NEK11: variants seen among roughly 807,000 people sequenced by gnomAD.
The protein encoded by NEK11 is serine/threonine-protein kinase Nek11.
In NEK11, 72 loss-of-function variants were observed where a neutral mutation model predicts 80.7. The observed-to-expected ratio is 0.89, with a 90% CI of 0.74 to 1.08. NEK11 has a LOEUF of 1.08. Among genes scored for constraint, NEK11 ranks in the 50% least tolerant of loss-of-function variants. The pLI is 0.00. For missense variants in NEK11, 764 were observed against 763.6 expected, an observed-to-expected ratio of 1.00 and a Z score of -0.01; for synonymous variants, 251 against 260.7, an observed-to-expected ratio of 0.96 and a Z score of 0.36.
At chr3:131,090,756 G>A (rs2076607566) in intron 4 of NEK11, among the ~76,000 whole-genome samples, 1 of 152,052 alleles carries the variant, frequency 6.6e-6, no homozygotes, top group South Asian at 2.1e-4. Context: ...AAAAATCAGA[G>A]GTTTTTGTTT....
chr3:131,255,224 T>C (rs1240447821), intron 16 of NEK11, among the ~76,000 whole-genome samples: 1 of 152,158 alleles, frequency 6.6e-6, no homozygotes, highest in Non-Finnish European at 1.5e-5. Flanking sequence ...GGAGACAGAA[T>C]TTTCATTTCT....
In NEK11 at chr3:131,215,434, TA is replaced by T. The variant is rs568730862; in HGVS notation, c.1400-13084del. Among the ~76,000 whole-genome samples, 79 of 146,920 alleles carry T rather than the reference TA, an allele frequency of 5.4e-4. No individual in the cohort carries two copies. The South Asian group carries it at 5.4e-3, about 10-fold the overall frequency. The stretch of plus-strand genomic sequence containing the variant: ...ACTTAAAGTATAACAAAAAAATATA[TA>T]AAAAAAAAAGAAAAGAAAGATATTG... On this transcript the variant is annotated intron_variant, in intron 14 of 17. Transcript: ENST00000383366.
At chr3:131,216,335 G>T (rs1187784496) in intron 14 of NEK11, among the ~76,000 whole-genome samples, 1 of 152,152 alleles carries the variant, frequency 6.6e-6, no homozygotes, top group African/African-American at 2.4e-5. Flanking sequence ...TGGGAATGTG[G>T]GTTGCAAATG....
At chr3:131,146,092 G>A (rs147436459) in intron 7 of NEK11, among the ~76,000 whole-genome samples, 5 of 151,952 alleles carry the variant, frequency 3.3e-5, no homozygotes, top group Non-Finnish European at 5.9e-5. Context: ...CAGCCCTTCC[G>A]ATATGCCCAG....
intron 17 of NEK11, among the ~76,000 whole-genome samples, chr3:131,346,739 T>C (rs540119747): frequency 3.3e-5 from 5 of 152,002 alleles, no homozygotes; most frequent in Admixed American, 1.3e-4. Flanking sequence ...AAGGGCACCA[T>C]GAAGTGGAAG....
intron 7 of NEK11, among the ~76,000 whole-genome samples, chr3:131,143,805 G>T (rs972348127): frequency 1.3e-5 from 2 of 151,832 alleles, no homozygotes; most frequent in Non-Finnish European, 2.9e-5. Context: ...CTGAATTTAG[G>T]TTAATACTCA....
At chr3:131,290,688 T>C (rs991908304) in intron 17 of NEK11, among the ~76,000 whole-genome samples, 1 of 152,196 alleles carries the variant, frequency 6.6e-6, no homozygotes, top group Non-Finnish European at 1.5e-5. Flanking sequence ...TGAGACAGCT[T>C]TCAACCATGC....
intron 5 of NEK11, among the ~76,000 whole-genome samples, chr3:131,115,970 C>CTTTCTT (rs2081125197): frequency 7.3e-6 from 1 of 136,910 alleles, no homozygotes. Context: ...TTCTTTCTTT[C>CTTTCTT]TTTCTTTCTT....
intron 4 of NEK11, among the ~76,000 whole-genome samples, chr3:131,081,984 A>G (rs545759625): frequency 7.2e-5 from 11 of 152,330 alleles, no homozygotes; most frequent in African/African-American, 2.4e-4. Context: ...GAAATATTCC[A>G]TGTCTTGGCC....
At chr3:131,160,961 G>A (rs2091470928) in intron 10 of NEK11, among the ~76,000 whole-genome samples, 1 of 152,072 alleles carries the variant, frequency 6.6e-6, no homozygotes, top group South Asian at 2.1e-4. Context: ...CAGAATGGTG[G>A]ATCATGAGGT....
chr3:131,277,484 C>A (rs1437788682), intron 17 of NEK11, among the ~76,000 whole-genome samples: 2 of 152,166 alleles, frequency 1.3e-5, no homozygotes, highest in Non-Finnish European at 2.9e-5. Flanking sequence ...TAAGAAAGAA[C>A]CTTCCAGCTC....
intron 16 of NEK11, among the ~76,000 whole-genome samples, chr3:131,268,026 A>T (rs2096096531): frequency 1.3e-5 from 2 of 151,506 alleles, no homozygotes; most frequent in Non-Finnish European, 3.0e-5. Context: ...TTAAGTTCAT[A>T]GTCTCTGATA....
At chr3:131,220,755 A>G (rs987616770) in intron 14 of NEK11, among the ~76,000 whole-genome samples, 1 of 152,192 alleles carries the variant, frequency 6.6e-6, no homozygotes, top group African/African-American at 2.4e-5. Context: ...ATGATTAGAT[A>G]TGCAGAGAGA....
intron 16 of NEK11, among the ~76,000 whole-genome samples, chr3:131,255,119 A>G (rs1194397871): frequency 6.6e-6 from 1 of 151,340 alleles, no homozygotes; most frequent in Non-Finnish European, 1.5e-5. Context: ...AAAGAAAGAA[A>G]GAAAGAAAGA....
intron 15 of NEK11, among the ~76,000 whole-genome samples, chr3:131,229,339 C>T (rs2095283974): frequency 6.6e-6 from 1 of 152,038 alleles, no homozygotes; most frequent in Non-Finnish European, 1.5e-5. Flanking sequence ...GTGTCTGCAA[C>T]AGAGGAATAA....
intron 15 of NEK11, among the ~76,000 whole-genome samples, chr3:131,237,866 A>G (rs938596071): frequency 6.6e-6 from 1 of 152,162 alleles, no homozygotes; most frequent in Non-Finnish European, 1.5e-5. Flanking sequence ...GAATTTGACC[A>G]CTACTTACTA....
intron 16 of NEK11, among the ~76,000 whole-genome samples, chr3:131,262,666 T>C (rs1051397903): frequency 6.6e-6 from 1 of 152,144 alleles, no homozygotes; most frequent in Admixed American, 6.6e-5. Flanking sequence ...AAGGCAAAAT[T>C]AGGGTTTTGT....
chr3:131,048,487 A>G (rs2067793384), intron 3 of NEK11, among the ~76,000 whole-genome samples: 1 of 152,082 alleles, frequency 6.6e-6, no homozygotes, highest in Non-Finnish European at 1.5e-5. Context: ...CTGCTTCTAC[A>G]CCTGTATTTC....
chr3:131,134,314 A>G (rs1453564724), intron 7 of NEK11: 1 of 165,216 alleles, frequency 6.1e-6, no homozygotes, highest in Non-Finnish European at 1.3e-5. Flanking sequence ...GGTTAACTTC[A>G]ATCTCTGTGG....
Sources: allele counts gnomAD v4.1 joint callset (sites outside exome capture counted in the v4.1 genomes callset), GRCh38; gene constraint gnomAD v4.1.1; transcripts MANE v1.5; gene names NCBI Gene and HGNC (gene_info 2026-07-23, HGNC 2026-07-21).